The following PTPRE variants were observed in gnomAD, a reference collection of about 807,000 sequenced individuals.
The protein encoded by PTPRE is protein tyrosine phosphatase receptor type E, also known as receptor-type tyrosine-protein phosphatase epsilon.
A neutral mutation model predicts 102.0 loss-of-function variants in PTPRE; 51 were observed. The observed-to-expected ratio is 0.50, with a 90% CI of 0.40 to 0.63. The LOEUF (loss-of-function observed/expected upper bound fraction) is 0.63. PTPRE is among the 30% of genes least tolerant of loss of function. The pLI is 0.00. For synonymous variants in PTPRE, 345 were observed against 348.2 expected (o/e 0.99, Z 0.10); for missense variants, 752 against 915.1 (o/e 0.82, Z 2.30).
At chr10:127,964,876 C>A (rs955867924) in intron 1 of PTPRE, 2 of 392,870 alleles carry the variant, frequency 5.1e-6, no homozygotes, top group Non-Finnish European at 1.0e-5. Flanking sequence ...AGCTCATCAG[C>A]GGGCTCCTGG....
chr10:127,924,210 G>A (rs909855444), intron 1 of PTPRE, among the ~76,000 whole-genome samples: 14 of 152,156 alleles, frequency 9.2e-5, no homozygotes, highest in Admixed American at 3.3e-4. Context: ...GGCAAGCGAA[G>A]GTGGGTGAGC....
intron 2 of PTPRE, chr10:127,999,513 C>T (rs1853652230): frequency 7.1e-6 from 7 of 985,264 alleles, no homozygotes; most frequent in Non-Finnish European, 8.4e-6. Context: ...TGTTCCTCTC[C>T]GAGCTCAGTG....
intron 2 of PTPRE, among the ~76,000 whole-genome samples, chr10:127,992,989 T>C (rs1489486923): frequency 6.6e-6 from 1 of 152,200 alleles, no homozygotes; most frequent in Non-Finnish European, 1.5e-5. Flanking sequence ...ATTTTTTTAA[T>C]GTGTCTGCTG....
Position 128,070,747 on chromosome 10 carries a change from G to A in PTPRE, c.1294-61G>A, listed in dbSNP as rs533239809. 120 of 1,544,516 alleles carry A rather than the reference G, an allele frequency of 7.8e-5. 1 individual carries two copies. In the South Asian group the frequency reaches 1.2e-3, roughly 16 times the overall value. On this transcript the variant is annotated intron_variant, in intron 14 of 20. Coordinates refer to ENST00000254667, the MANE Select transcript of PTPRE (RefSeq NM_006504.6). This position sits in a 1 kb window ranked among gnomAD's most constrained non-coding sequence, Gnocchi z 4.8. ...TTGCCAGCAGCACTAGTCCTCGGCTGAGCAATGTGCTCAGGAGTGTCAGAG... is the reference window on the plus strand; with the variant it reads ...TTGCCAGCAGCACTAGTCCTCGGCTAAGCAATGTGCTCAGGAGTGTCAGAG...
chr10:127,975,902 T>C (rs1228142764), intron 1 of PTPRE, among the ~76,000 whole-genome samples: 2 of 152,168 alleles, frequency 1.3e-5, no homozygotes, highest in South Asian at 4.1e-4. Flanking sequence ...CAAGCTACCC[T>C]ATATCTCTGA....
chr10:128,055,103 C>T (rs1192480242), intron 6 of PTPRE, among the ~76,000 whole-genome samples: 3 of 152,156 alleles, frequency 2.0e-5, no homozygotes, highest in African/African-American at 4.8e-5. Flanking sequence ...CTCCTTCCAC[C>T]GTACCTGGCG....
chr10:128,007,997 G>A (rs1241976760), intron 2 of PTPRE, among the ~76,000 whole-genome samples: 2 of 152,120 alleles, frequency 1.3e-5, no homozygotes, highest in African/African-American at 2.4e-5. Flanking sequence ...ATGGAACCCC[G>A]AGCTTCTCAT....
intron 7 of PTPRE, among the ~76,000 whole-genome samples, chr10:128,057,969 C>T (rs1849144236): frequency 2.0e-5 from 3 of 152,232 alleles, no homozygotes; most frequent in South Asian, 2.1e-4. Flanking sequence ...AGTTTCACTG[C>T]TTAATTTATT....
intron 6 of PTPRE, among the ~76,000 whole-genome samples, chr10:128,052,490 G>T (rs1848634662): frequency 6.6e-6 from 1 of 152,126 alleles, no homozygotes; most frequent in Non-Finnish European, 1.5e-5. Context: ...GATACTCCCT[G>T]CCCCCCATAG....
intron 17 of PTPRE, among the ~76,000 whole-genome samples, chr10:128,073,870 C>T (rs1050763379): frequency 1.3e-5 from 2 of 152,206 alleles, no homozygotes; most frequent in Non-Finnish European, 2.9e-5. Flanking sequence ...GACATAACTA[C>T]TGCTGTGTAT....
At chr10:128,052,558 G>A (rs968261868) in intron 6 of PTPRE, among the ~76,000 whole-genome samples, 1 of 152,058 alleles carries the variant, frequency 6.6e-6, no homozygotes, top group African/African-American at 2.4e-5. Context: ...GAATCCTTAC[G>A]AGACCGCACT....
chr10:127,928,617 T>C (rs551814986), intron 1 of PTPRE, among the ~76,000 whole-genome samples: 3 of 152,316 alleles, frequency 2.0e-5, no homozygotes, highest in Admixed American at 1.3e-4. Context: ...GTTAGACTCA[T>C]AGGCTTATCT....
intron 6 of PTPRE, among the ~76,000 whole-genome samples, chr10:128,054,681 C>T (rs530677558): frequency 2.0e-4 from 31 of 151,960 alleles, no homozygotes; most frequent in Middle Eastern, 3.4e-3. Context: ...GGGCGGCCTA[C>T]GGTGCCCCAC....
intron 1 of PTPRE, among the ~76,000 whole-genome samples, chr10:127,939,894 G>A (rs1342499858): frequency 4.1e-5 from 6 of 147,610 alleles, no homozygotes; most frequent in African/African-American, 1.5e-4. Flanking sequence ...AAGCAGGTGA[G>A]GGCAGATGCA....
At chr10:128,022,829 A>G (rs1283834394) in intron 2 of PTPRE, among the ~76,000 whole-genome samples, 1 of 152,242 alleles carries the variant, frequency 6.6e-6, no homozygotes, top group African/African-American at 2.4e-5. Context: ...AACAAGGGCC[A>G]GGAGATGACG....
intron 16 of PTPRE, 82 bp downstream of exon 16, chr10:128,072,296 AATGAGAAAGAATTGAC>A: frequency 8.4e-7 from 1 of 1,184,404 alleles, no homozygotes; most frequent in Non-Finnish European, 1.2e-6. Context: ...TTGTTTTCAC[AATGAGAAAGAATTGAC>A]ATGTTTCCAG....
intron 7 of PTPRE, among the ~76,000 whole-genome samples, chr10:128,059,239 G>T (rs1402669274): frequency 6.6e-6 from 1 of 152,212 alleles, no homozygotes; most frequent in Middle Eastern, 3.2e-3. Flanking sequence ...GGCATTGCCA[G>T]TCCCTGAGCA....
chr10:127,923,238 G>A (rs1433033055), intron 1 of PTPRE, among the ~76,000 whole-genome samples: 1 of 152,188 alleles, frequency 6.6e-6, no homozygotes, highest in Non-Finnish European at 1.5e-5. Flanking sequence ...ACCTTATCAG[G>A]TGAGGGGTGG....
chr10:127,925,333 T>C (rs537340934), intron 1 of PTPRE, among the ~76,000 whole-genome samples: 1 of 152,360 alleles, frequency 6.6e-6, no homozygotes, highest in South Asian at 2.1e-4. Flanking sequence ...TCACCTGATT[T>C]AGCCTTATTC....
Sources: allele counts gnomAD v4.1 joint callset (sites outside exome capture counted in the v4.1 genomes callset), GRCh38; gene constraint gnomAD v4.1.1; non-coding constraint Gnocchi (gnomAD v3.1); transcripts MANE v1.5; gene names NCBI Gene and HGNC (gene_info 2026-07-23, HGNC 2026-07-21).